IKZF2: variants seen among roughly 807,000 people sequenced by gnomAD.
The protein encoded by IKZF2 is zinc finger protein Helios.
A neutral mutation model predicts 49.2 loss-of-function variants in IKZF2; 15 were observed. The observed-to-expected ratio is 0.30, with a 90% CI of 0.20 to 0.47. The LOEUF is 0.47. IKZF2 is among the 20% of genes least tolerant of loss of function. The probability of loss-of-function intolerance (pLI) is 1.00; values close to 1 mark genes in which losing one functional copy is unlikely to be tolerated. For missense variants in IKZF2, 567 were observed against 664.6 expected (o/e 0.85, Z 1.61); for synonymous variants, 227 against 221.4 (o/e 1.03, Z -0.23).
intron 6 of IKZF2, among the ~76,000 whole-genome samples, chr2:213,044,652 G>A (rs16849598): frequency 0.023 from 3,513 of 152,276 alleles, 58 homozygotes; most frequent in African/African-American, 0.053. Context: ...TGATATGGCT[G>A]ATGGCCCTAA....
intron 5 of IKZF2, among the ~76,000 whole-genome samples, chr2:213,055,666 A>G (rs1265071157): frequency 6.6e-6 from 1 of 152,088 alleles, no homozygotes; most frequent in African/African-American, 2.4e-5. Flanking sequence ...GAACAAAACC[A>G]GTATGGGCAT....
rs1052234096 is a variant in IKZF2 at position 213,006,067 on chromosome 2, T to C, written c.*1293A>G. ...AGGTACAGGTTACAAAGAAGTCCCA[T>C]TCCCTTTTCTTTGCAACAAGAGTAG... On this transcript the variant is annotated 3_prime_UTR_variant, in exon 9 of 9. Transcript: ENST00000434687. 1.3e-5 allele frequency: 2 copies of C among 152,064 alleles called. No individual in the cohort carries two copies. The highest frequency in any genetic ancestry group is 6.6e-5 in the Admixed American group (1 of 15,238). 9.4% of individuals were successfully genotyped at this position (152,064 alleles called of 1,614,324 possible).
chr2:213,046,588 C>T (rs1157435149), intron 6 of IKZF2, among the ~76,000 whole-genome samples: 1 of 152,178 alleles, frequency 6.6e-6, no homozygotes, highest in Non-Finnish European at 1.5e-5. Flanking sequence ...TAACTGCACA[C>T]TTTGCATGGA....
chr2:213,150,279 T>G (rs1483813537), intron 1 of IKZF2, 32 bp from the exon 2 acceptor site: 7 of 858,406 alleles, frequency 8.2e-6, no homozygotes, highest in Non-Finnish European at 1.0e-5. Flanking sequence ...AAGAAAGAAG[T>G]TTTTTGTGTT....
chr2:213,015,363 A>T (rs1696451389), intron 7 of IKZF2: 1 of 152,054 alleles, frequency 6.6e-6, no homozygotes, highest in African/African-American at 2.4e-5. Context: ...TCAAGGTGAG[A>T]CTGAGGAACA....
At chr2:213,072,296 G>GTTTTTT (rs377550534) in intron 4 of IKZF2, among the ~76,000 whole-genome samples, 3 of 144,546 alleles carry the variant, frequency 2.1e-5, no homozygotes, top group Non-Finnish European at 3.0e-5. Context: ...CCTTTCCTTT[G>GTTTTTT]TTTTTTTTTT....
chr2:213,124,324 G>C (rs143644729), intron 4 of IKZF2, among the ~76,000 whole-genome samples: 1,542 of 149,832 alleles, frequency 0.01, 88 homozygotes, highest in Admixed American at 0.084. Context: ...TTGGAAGCCT[G>C]ATATTTTTAA....
intron 4 of IKZF2, among the ~76,000 whole-genome samples, chr2:213,063,651 T>C (rs1701908135): frequency 6.6e-6 from 1 of 152,012 alleles, no homozygotes; most frequent in Admixed American, 6.6e-5. Flanking sequence ...AATGACTGCA[T>C]TGTAGGAAGG....
At chr2:213,021,957 G>A (rs1245360782) in intron 7 of IKZF2, 36 bp downstream of exon 7, 4 of 1,582,694 alleles carry the variant, frequency 2.5e-6, no homozygotes, top group African/African-American at 1.4e-5. Flanking sequence ...AAAGCAGTAG[G>A]GGGAAATAAA....
chr2:213,145,145 T>C lies in IKZF2; in HGVS notation c.139+2563A>G, dbSNP rs77650293. 1.6e-4 allele frequency among the ~76,000 whole-genome samples: 25 copies of C among 151,690 alleles called. No homozygotes were observed. In the East Asian group the frequency reaches 4.8e-3, roughly 29 times the overall value. ...GAGCTCTCATGCCTTATTGATACTT[T>C]TCTGGCCAGAATGTTAGCTGTTTTA... On this transcript the variant is annotated intron_variant, in intron 4 of 8. Transcript: ENST00000434687.
rs569050277 is a variant in IKZF2, at chr2:213,128,297, G to GC, written c.139+19410dup. Among the ~76,000 whole-genome samples the GC allele has an allele frequency of 9.0e-3, 1,372 of 152,184 alleles. 10 individuals carry two copies. Among genetic ancestry groups the GC allele is most frequent in the Non-Finnish European group, 0.015 (988 of 67,996 alleles). On this transcript the variant is annotated intron_variant, in intron 4 of 8. Transcript: ENST00000434687. ...AAACGTGCCAAAAAATGAGCTAAGT[G>GC]CTCTATGCAATTGTTACATTTATTT... is the stretch of plus-strand genomic sequence containing the variant.
At chr2:213,067,697 G>A (rs1248109842) in intron 4 of IKZF2, among the ~76,000 whole-genome samples, 1 of 152,110 alleles carries the variant, frequency 6.6e-6, no homozygotes, top group Admixed American at 6.6e-5. Flanking sequence ...CCACGAAGCA[G>A]TAGTGAACAA....
chr2:213,038,706 TA>T (rs1349084101), intron 6 of IKZF2, among the ~76,000 whole-genome samples: 1 of 151,922 alleles, frequency 6.6e-6, no homozygotes, highest in Admixed American at 6.6e-5. Context: ...ATAATTTAAA[TA>T]AAACAAAATA....
At chr2:213,059,009 CT>C (rs1701438063) in intron 4 of IKZF2, among the ~76,000 whole-genome samples, 2 of 151,728 alleles carry the variant, frequency 1.3e-5, no homozygotes, top group African/African-American at 4.8e-5. Flanking sequence ...GAAATTATTT[CT>C]TGTTTCTTGC....
intron 6 of IKZF2, among the ~76,000 whole-genome samples, chr2:213,028,094 C>T (rs528401697): frequency 1.3e-5 from 2 of 152,160 alleles, no homozygotes; most frequent in Admixed American, 6.6e-5. Flanking sequence ...GAGTCTTAGA[C>T]CATTTTTTTC....
intron 6 of IKZF2, among the ~76,000 whole-genome samples, chr2:213,029,432 T>C (rs1698166758): frequency 6.6e-6 from 1 of 152,148 alleles, no homozygotes; most frequent in Non-Finnish European, 1.5e-5. Context: ...GAATTTGACA[T>C]AAAGTTGTTC....
intron 4 of IKZF2, among the ~76,000 whole-genome samples, chr2:213,121,470 T>C (rs16849765): frequency 0.022 from 3,328 of 152,304 alleles, 129 homozygotes; most frequent in African/African-American, 0.076. Flanking sequence ...TTACATTCAG[T>C]AGTAATTCAA....
chr2:213,112,040 C>T (rs2059720205), intron 4 of IKZF2, among the ~76,000 whole-genome samples: 1 of 151,888 alleles, frequency 6.6e-6, no homozygotes, highest in South Asian at 2.1e-4. Context: ...AAAAAATTAC[C>T]AACCAGAAAG....
chr2:213,080,811 G>T (rs116169130), intron 4 of IKZF2, among the ~76,000 whole-genome samples: 1 of 151,782 alleles, frequency 6.6e-6, no homozygotes, highest in Non-Finnish European at 1.5e-5. Context: ...AATTCTAATA[G>T]GTTTGACAAT....
Sources: allele counts gnomAD v4.1 joint callset (sites outside exome capture counted in the v4.1 genomes callset), GRCh38; gene constraint gnomAD v4.1.1; transcripts MANE v1.5; gene names NCBI Gene and HGNC (gene_info 2026-07-23, HGNC 2026-07-21).